MAP1LC3A: variants seen among roughly 807,000 people sequenced by gnomAD.
MAP1LC3A encodes the protein microtubule-associated protein 1 light chain 3 alpha.
MAP1LC3A carries 10 observed loss-of-function variants against 15.2 expected under a neutral mutation model. The ratio of observed to expected loss-of-function variants is 0.66; its 90% CI spans 0.41 to 1.12. The LOEUF is 1.12. Ranked by LOEUF, MAP1LC3A falls within the 50% of genes most tolerant of loss-of-function variation. The probability of loss-of-function intolerance (pLI) is 0.00; values close to 1 mark genes in which losing one functional copy is unlikely to be tolerated. For synonymous variants in MAP1LC3A, 63 were observed against 64.3 expected, an observed-to-expected ratio of 0.98 and a Z score of 0.10; for missense variants, 138 against 167.3, an observed-to-expected ratio of 0.82 and a Z score of 0.97.
chr20:34,550,906 A>G (rs2146670639), intron 2 of MAP1LC3A, among the ~76,000 whole-genome samples: 1 of 152,300 alleles, frequency 6.6e-6, no homozygotes, highest in Admixed American at 6.5e-5. Context: ...GGCATCCATC[A>G]ATGGAAAAAC....
At chr20:34,559,174 C>A in intron 1 of MAP1LC3A, 34 bp from the exon 2 acceptor site, 1 of 1,536,430 alleles carries the variant, frequency 6.5e-7, no homozygotes, top group South Asian at 1.2e-5. Context: ...TGGGCCGGCC[C>A]GACCCGGCCT....
At chr20:34,551,467 CT>C (rs58191574) in intron 2 of MAP1LC3A, among the ~76,000 whole-genome samples, 413 of 104,798 alleles carry the variant, frequency 3.9e-3, no homozygotes, top group East Asian at 0.014. Flanking sequence ...GAACGCTGTC[CT>C]TTTTTTTTTT....
rs1196600464 is a variant in MAP1LC3A at position 34,549,902 on chromosome 20, C to CA, written c.-73-2dup. ...TGCTGATTGCAGGCCCTGTTTCCCC[C>CA]AGGACTCCATGGCTTCCGAGTTGCT... On this transcript the variant is annotated splice_polypyrimidine_tract_variant and splice_region_variant and intron_variant, in intron 1 of 4. Coordinates refer to the MAP1LC3A transcript ENST00000374837. 19 of 1,328,226 alleles carry CA rather than the reference C, an allele frequency of 1.4e-5. No homozygotes were observed. The African/African-American group carries it at 2.7e-4, about 19-fold the overall frequency. The allele number at this position is 1,328,226 out of a possible 1,614,324, so 82.3% of individuals were successfully genotyped here. A position where few individuals can be genotyped will look rare whatever the true frequency, so the allele number is the denominator to read the frequency against.
At chr20:34,558,369 C>T (rs1020591330), upstream of MAP1LC3A, 1 of 988,048 alleles carries the variant, frequency 1.0e-6, no homozygotes, top group Non-Finnish European at 1.2e-6. This position sits in a 1 kb window ranked among gnomAD's most constrained non-coding sequence, Gnocchi z 4.3. Context: ...CCTTTGGCTC[C>T]GGCTGTTTCC....
At position 34,558,845 on chromosome 20, in the gene MAP1LC3A, T is replaced by TGCGCGCCCAGCCGGGCCC. The variant is rs1982275791; in HGVS notation, c.-18_-1dup. The TGCGCGCCCAGCCGGGCCC allele has an allele frequency of 1.4e-6, 2 of 1,433,370 alleles. No homozygotes were observed. The highest frequency in any genetic ancestry group is 1.8e-6 in the Non-Finnish European group (2 of 1,100,142). 88.8% of individuals were successfully genotyped at this position (1,433,370 alleles called of 1,614,324 possible). On this transcript the variant is annotated 5_prime_UTR_variant, in exon 1 of 4. Transcript: ENST00000360668. This position sits in a 1 kb window ranked among gnomAD's most constrained non-coding sequence, Gnocchi z 4.3. ...ATCCCCGCGCCCCAGAGCCCCGGCC[T>TGCGCGCCCAGCCGGGCCC]GCGCGCCCAGCCGGGCCCGCGCGAT...
chr20:34,558,918 G>C lies in MAP1LC3A; in HGVS notation c.40+10G>C. ...CAGCGGCGGAGCTTCGGTGAGGCCC[G>C]GCAGGCGAGCTGCGAGCTCTGGGGC... On this transcript the variant is annotated intron_variant, in intron 1 of 3. Coordinates refer to ENST00000360668, the MANE Select transcript of MAP1LC3A (RefSeq NM_032514.4). The surrounding 1 kb of genome is among the most constrained non-coding windows in gnomAD (Gnocchi z 4.3). 7.2e-7 allele frequency: 1 copy of C among 1,393,640 alleles called. No homozygotes were observed. The highest frequency in any genetic ancestry group is 1.5e-5 in the African/African-American group (1 of 66,056). The allele number at this position is 1,393,640 out of a possible 1,614,324, so 86.3% of individuals were successfully genotyped here. A position where few individuals can be genotyped will look rare whatever the true frequency, so the allele number is the denominator to read the frequency against.
upstream of MAP1LC3A, chr20:34,558,318 C>T: frequency 5.1e-6 from 5 of 986,374 alleles, no homozygotes; most frequent in South Asian, 2.3e-4. This position sits in a 1 kb window ranked among gnomAD's most constrained non-coding sequence, Gnocchi z 4.3. Context: ...CCTCCCGCAC[C>T]TTCTCCCTTC....
intron 1 of MAP1LC3A, among the ~76,000 whole-genome samples, chr20:34,548,514 G>A (rs1400118767): frequency 1.3e-5 from 2 of 152,196 alleles, no homozygotes; most frequent in South Asian, 2.1e-4. Context: ...ATATGCGGGT[G>A]AGGCCCGGAG....
upstream of MAP1LC3A, among the ~76,000 whole-genome samples, chr20:34,556,630 T>A (rs550769628): frequency 2.0e-5 from 3 of 151,374 alleles, no homozygotes; most frequent in South Asian, 6.2e-4. Flanking sequence ...AGAGTCTCAC[T>A]CTGTTGCCCA....
chr20:34,547,563 G>C (rs1193987506), intron 1 of MAP1LC3A, among the ~76,000 whole-genome samples: 2 of 151,680 alleles, frequency 1.3e-5, no homozygotes, highest in Non-Finnish European at 2.9e-5. Flanking sequence ...GGAGGTGATT[G>C]AATCATGGGG....
chr20:34,557,328 T>C (rs1029529353), upstream of MAP1LC3A, among the ~76,000 whole-genome samples: 1 of 152,238 alleles, frequency 6.6e-6, no homozygotes, highest in Admixed American at 6.5e-5. Flanking sequence ...TTTCTCTGCA[T>C]TGGCAGTTAT....
At chr20:34,549,259 C>T (rs929035966) in intron 1 of MAP1LC3A, among the ~76,000 whole-genome samples, 11 of 152,166 alleles carry the variant, frequency 7.2e-5, no homozygotes, top group African/African-American at 2.7e-4. Flanking sequence ...CTCTTGACCT[C>T]AGGTGATCAG....
At chr20:34,557,256 A>C (rs533438537), upstream of MAP1LC3A, among the ~76,000 whole-genome samples, 24 of 152,044 alleles carry the variant, frequency 1.6e-4, no homozygotes, top group African/African-American at 5.5e-4. Flanking sequence ...CATCCCTTTT[A>C]CTTTGCTTCC....
At chr20:34,548,567 T>G (rs1446294201) in intron 1 of MAP1LC3A, among the ~76,000 whole-genome samples, 3 of 151,808 alleles carry the variant, frequency 2.0e-5, no homozygotes, top group Non-Finnish European at 4.4e-5. Flanking sequence ...GGCTGTGGGG[T>G]TGGTGTTCTC....
intron 2 of MAP1LC3A, among the ~76,000 whole-genome samples, chr20:34,551,713 C>T (rs1249135232): frequency 6.6e-6 from 1 of 151,976 alleles, no homozygotes; most frequent in Non-Finnish European, 1.5e-5. Flanking sequence ...GTGATCTGCC[C>T]TTGGCCTCCC....
Position 34,559,891 on chromosome 20 carries a change from G to A in MAP1LC3A, c.359G>A (p.Gly120Asp). Residue 120 changes from glycine to aspartate, a missense_variant, in exon 4 of 4, where the codon GGC becomes GAC. By Grantham distance (94) the Gly-to-Asp change is moderately conservative. Coordinates refer to ENST00000360668, the MANE Select transcript of MAP1LC3A (RefSeq NM_032514.4). ...YMVYASQETFGF is the reference protein window; with the variant it reads ...YMVYASQETFDF ...GTCTACGCCTCCCAGGAAACCTTCGGCTTCTGAGCCAGCAGTAGGGGGGCT... is the reference window on the plus strand; with the variant it reads ...GTCTACGCCTCCCAGGAAACCTTCGACTTCTGAGCCAGCAGTAGGGGGGCT... The A allele has an allele frequency of 3.7e-6, 6 of 1,610,352 alleles. No homozygotes were observed. Among genetic ancestry groups the A allele is most frequent in the Non-Finnish European group, 5.1e-6 (6 of 1,178,596 alleles).
chr20:34,554,354 GTTTTTTTTTT>G (rs537779341), upstream of MAP1LC3A, among the ~76,000 whole-genome samples: 4 of 106,160 alleles, frequency 3.8e-5, no homozygotes, highest in African/African-American at 1.6e-4. Flanking sequence ...TATACGTTGG[GTTTTTTTTTT>G]TTTTTTTTTT....
chr20:34,547,947 G>A (rs1030246548), intron 1 of MAP1LC3A, among the ~76,000 whole-genome samples: 2 of 152,274 alleles, frequency 1.3e-5, no homozygotes, highest in Middle Eastern at 3.4e-3. Context: ...GGGGGTCAGT[G>A]TGCTCGGCCT....
intron 2 of MAP1LC3A, among the ~76,000 whole-genome samples, chr20:34,551,068 A>G (rs901986910): frequency 4.6e-5 from 7 of 152,024 alleles, no homozygotes; most frequent in Non-Finnish European, 1.0e-4. Flanking sequence ...CAATATAGTG[A>G]AACCCTGTCT....
Sources: allele counts gnomAD v4.1 joint callset (sites outside exome capture counted in the v4.1 genomes callset), GRCh38; gene constraint gnomAD v4.1.1; non-coding constraint Gnocchi (gnomAD v3.1); transcripts MANE v1.5; gene names NCBI Gene and HGNC (gene_info 2026-07-23, HGNC 2026-07-21).